Variants in EDN2 observed in about 807,000 individuals in gnomAD.
EDN2 encodes the protein endothelin 2.
A neutral mutation model predicts 19.9 loss-of-function variants in EDN2; 10 were observed. The observed-to-expected ratio is 0.50, with a 90% CI of 0.31 to 0.85. EDN2 has a LOEUF of 0.85. EDN2 is among the 40% of genes least tolerant of loss of function. The pLI is 0.05. For missense variants in EDN2, 222 were observed against 239.3 expected (o/e 0.93, Z 0.48); for synonymous variants, 84 against 94.9 (o/e 0.89, Z 0.67).
intron 4 of EDN2, chr1:41,480,735 G>A: frequency 2.1e-6 from 1 of 484,554 alleles, no homozygotes. Context: ...AATCTGGGCA[G>A]CAGAGAGGGA....
rs781700436 is a variant in EDN2, at chr1:41,481,214, C to A, written c.345-21G>T. ...CAGTCCTACGTGAATAGCATTAGGG[C>A]CCAAGTGATGGACTGCCCAGGGCCC... On this transcript the variant is annotated intron_variant, in intron 3 of 4. Coordinates refer to ENST00000372587, the MANE Select transcript of EDN2 (RefSeq NM_001956.5). 3.7e-6 allele frequency: 6 copies of A among 1,606,910 alleles called. No homozygotes were observed. The Admixed American group carries it at 8.3e-5, about 22-fold the overall frequency.
chr1:41,479,449 C>G lies in EDN2; in HGVS notation c.497G>C (p.Arg166Pro). Residue 166 changes from arginine to proline, a missense_variant, in exon 5 of 5, where the codon CGG (arginine) becomes CCG (proline). Arg to Pro is a moderately radical substitution (Grantham distance 103, BLOSUM62 -2). Transcript: ENST00000372587. ...LFAKRQQEAM[R>P]EPRSTHSRWR... ...CCTGGAATGTGTGGACCGAGGCTCC[C>G]GCATGGCCTCCTGTTGTCGCTTGGC... 6.2e-7 allele frequency: 1 copy of G among 1,614,238 alleles called. No individual in the cohort carries two copies. Among genetic ancestry groups the G allele is most frequent in the Non-Finnish European group, 8.5e-7 (1 of 1,180,040 alleles).
In EDN2 at chr1:41,482,816, C is replaced by T. The variant is rs182660813; in HGVS notation, c.222-228G>A. 91 of 424,906 alleles carry T rather than the reference C, an allele frequency of 2.1e-4. No individual in the cohort carries two copies. The East Asian group carries it at 4.0e-3, about 19-fold the overall frequency. 26.3% of individuals were successfully genotyped at this position (424,906 alleles called of 1,614,324 possible). A position where few individuals can be genotyped will look rare whatever the true frequency, so the allele number is the denominator to read the frequency against. ...AAGTCACAGGCTACTCCACAAGGGT[C>T]CTGGTAGCCCTTGGCAAGACCCTCC... On this transcript the variant is annotated intron_variant, in intron 2 of 4. Transcript: ENST00000372587.
At position 41,479,351 on chromosome 1, in the gene EDN2, C is replaced by T; in HGVS notation, c.*58G>A. The stretch of plus-strand genomic sequence containing the variant: ...GCAGAGAGTCCACAAGCCCTGGCCA[C>T]TTCTCTCCTCCTCTCTCCCCGCGGG... On this transcript the variant is annotated 3_prime_UTR_variant, in exon 5 of 5. Coordinates refer to ENST00000372587, the MANE Select transcript of EDN2 (RefSeq NM_001956.5). 6.9e-7 allele frequency: 1 copy of T among 1,439,426 alleles called. No homozygotes were observed. Among genetic ancestry groups the T allele is most frequent in the Non-Finnish European group, 9.8e-7 (1 of 1,023,574 alleles). 89.2% of individuals were successfully genotyped at this position (1,439,426 alleles called of 1,614,324 possible).
At chr1:41,482,141 A>G (rs905415643) in intron 3 of EDN2, among the ~76,000 whole-genome samples, 39 of 152,188 alleles carry the variant, frequency 2.6e-4, no homozygotes, top group African/African-American at 8.7e-4. Flanking sequence ...CCTCCTTCTG[A>G]CAAGCTATGC....
chr1:41,484,468 A>G, intron 1 of EDN2, 70 bp downstream of exon 1: 6 of 1,529,436 alleles, frequency 3.9e-6, no homozygotes, highest in Non-Finnish European at 5.3e-6. Flanking sequence ...GAGGCACTGC[A>G]GCCCTAGAGG....
chr1:41,480,557 G>T, intron 4 of EDN2: 1 of 364,794 alleles, frequency 2.7e-6, no homozygotes, highest in Non-Finnish European at 5.5e-6. Context: ...GTACCAGGCT[G>T]GGCTGGGGTT....
intron 3 of EDN2, 117 bp downstream of exon 3, chr1:41,482,349 G>T (rs11572356): frequency 2.4e-6 from 3 of 1,268,580 alleles, no homozygotes; most frequent in South Asian, 1.9e-5. Flanking sequence ...CCCCTGGGTC[G>T]CTTCTCACCC....
intron 4 of EDN2, among the ~76,000 whole-genome samples, chr1:41,479,756 G>A (rs1402896240): frequency 6.6e-6 from 1 of 152,238 alleles, no homozygotes; most frequent in African/African-American, 2.4e-5. Context: ...GCCAGAATGA[G>A]TGGACAGCCA....
At chr1:41,479,535 A>C in intron 4 of EDN2, 33 bp from the exon 5 acceptor site, 481 of 1,563,336 alleles carry the variant, frequency 3.1e-4, no homozygotes, top group Non-Finnish European at 3.8e-4. Flanking sequence ...TTAGCATCTC[A>C]GGAGATATGG....
chr1:41,482,578 G>T lies in EDN2; in HGVS notation c.232C>A (p.Pro78Thr). 1 of 1,580,918 alleles carries T rather than the reference G, an allele frequency of 6.3e-7. No individual in the cohort carries two copies. The highest frequency in any genetic ancestry group is 8.6e-7 in the Non-Finnish European group (1 of 1,166,164). The stretch of plus-strand genomic sequence containing the variant: ...CTTGGCGGGTTTCCCAGGCCGTAAG[G>T]AGCTGTCTGTCTGTGGGCGGGCAGC... ...IWVNTPEQTA[P>T]YGLGNPPRRR... is the part of the protein sequence containing the mutation. Residue 78 changes from proline (P) to threonine (T), a missense_variant, in exon 3 of 5, where the codon CCT becomes ACT. Transcript: ENST00000372587.
At chr1:41,481,788 G>C (rs893549728) in intron 3 of EDN2, among the ~76,000 whole-genome samples, 1 of 152,126 alleles carries the variant, frequency 6.6e-6, no homozygotes, top group African/African-American at 2.4e-5. Context: ...TGATCCACCC[G>C]CCTCGGACTC....
intron 2 of EDN2, among the ~76,000 whole-genome samples, chr1:41,483,488 C>T (rs781664052): frequency 6.6e-6 from 1 of 152,180 alleles, no homozygotes; most frequent in Non-Finnish European, 1.5e-5. Flanking sequence ...ACAGACAGCA[C>T]GGGGCTCCCA....
Position 41,479,488 on chromosome 1 carries a change from A to T in EDN2, c.458T>A (p.Val153Asp), listed in dbSNP as rs1430261693. 1 of 1,614,012 alleles carries T rather than the reference A, an allele frequency of 6.2e-7. No homozygotes were observed. Among genetic ancestry groups the T allele is most frequent in the East Asian group, 2.2e-5 (1 of 44,894 alleles). The change falls in exon 5 of 5, where the codon GTC becomes GAC. Residue 153 changes from valine (V) to aspartate (D), a missense_variant. Transcript: ENST00000372587. ...TTGTCGCTTGGCAAAGAGGCTCTTGACTGTGGAAATGTCCCTGGGAATCAA... is the reference window on the plus strand; with the variant it reads ...TTGTCGCTTGGCAAAGAGGCTCTTGTCTGTGGAAATGTCCCTGGGAATCAA... ...LLQRLRDIST[V>D]KSLFAKRQQE...
chr1:41,482,882 A>C (rs1263007052), intron 2 of EDN2: 1 of 230,400 alleles, frequency 4.3e-6, no homozygotes. Flanking sequence ...AGCTCCCAGC[A>C]TGGGGGCAAG....
intron 2 of EDN2, chr1:41,483,169 A>AGAG (rs1489912519): frequency 3.3e-5 from 5 of 152,354 alleles, no homozygotes; most frequent in African/African-American, 1.2e-4. Context: ...TTTCAGATTC[A>AGAG]GAGTCTGATC....
rs535589618 is a variant in EDN2 at position 41,479,126 on chromosome 1, T to A, written c.*283A>T. The stretch of plus-strand genomic sequence containing the variant: ...GGACGCAGCCTCCAGATGAATGTAC[T>A]CCCCATGCAGTTCTTCCAGCAGAGC... On this transcript the variant is annotated 3_prime_UTR_variant, in exon 5 of 5. Transcript: ENST00000372587. 5.6e-5 allele frequency: 29 copies of A among 515,784 alleles called. No homozygotes were observed. Among genetic ancestry groups the A allele is most frequent in the African/African-American group, 5.5e-4 (29 of 52,582 alleles). The allele number at this position is 515,784 out of a possible 1,614,324, so 32.0% of individuals were successfully genotyped here.
rs1451529707 is a variant in EDN2, at chr1:41,484,212, A to T, written c.65-9T>A. ...AGCAGCCTGGCCCTTCCCTGCATGC[A>T]CAGGAGGGAGAGAGAGGTGGAGAGG... On this transcript the variant is annotated splice_polypyrimidine_tract_variant and intron_variant, in intron 1 of 4. Transcript: ENST00000372587. 6 of 1,610,770 alleles carry T rather than the reference A, an allele frequency of 3.7e-6. No individual in the cohort carries two copies. In the Admixed American group the frequency reaches 6.7e-5, roughly 18 times the overall value.
chr1:41,481,302 G>T, intron 3 of EDN2, 109 bp from the exon 4 acceptor site: 1 of 814,258 alleles, frequency 1.2e-6, no homozygotes, highest in Non-Finnish European at 2.0e-6. Flanking sequence ...ACCTGCCTGC[G>T]GGAGCAGATC....
Sources: gnomAD v4.1 joint callset for allele counts (sites outside exome capture counted in the v4.1 genomes callset) on GRCh38, gnomAD v4.1.1 for gene constraint, MANE v1.5 for transcripts, NCBI Gene and HGNC (gene_info 2026-07-23, HGNC 2026-07-21) for gene names.